The following MYL1 variants were observed in gnomAD, a reference collection of about 807,000 sequenced individuals.
The protein encoded by MYL1 is myosin light chain 1/3, skeletal muscle isoform.
A neutral mutation model predicts 21.8 loss-of-function variants in MYL1; 16 were observed. That is an observed-to-expected ratio of 0.74 (90% CI 0.50 to 1.12). The LOEUF is 1.12. MYL1 is among the 50% of genes most tolerant of loss of function. The pLI is 0.00. For synonymous variants in MYL1, 99 were observed against 85.2 expected (o/e 1.16, Z -0.89); for missense variants, 246 against 241.0 (o/e 1.02, Z -0.14).
intron 1 of MYL1, among the ~76,000 whole-genome samples, chr2:210,304,877 C>A (rs1690316992): frequency 6.6e-6 from 1 of 152,108 alleles, no homozygotes; most frequent in African/African-American, 2.4e-5. Flanking sequence ...GGGGATTGGC[C>A]AGCAATGGGT....
chr2:210,297,031 A>ATC lies in MYL1; in HGVS notation c.304+1388_304+1389insGA, dbSNP rs1405092485. 3.8e-4 allele frequency among the ~76,000 whole-genome samples: 57 copies of ATC among 148,618 alleles called. No individual in the cohort carries two copies. The South Asian group carries it at 7.3e-3, about 19-fold the overall frequency. On this transcript the variant is annotated intron_variant, in intron 3 of 6. Coordinates refer to ENST00000352451, the MANE Select transcript of MYL1 (RefSeq NM_079420.3). The stretch of plus-strand genomic sequence containing the variant: ...TGTGTGTGTGTACATATATATATAT[A>ATC]TATATACATATATATAAAATATTTT...
intron 1 of MYL1, chr2:210,303,591 T>A: frequency 6.2e-7 from 1 of 1,607,372 alleles, no homozygotes; most frequent in Non-Finnish European, 8.5e-7. Flanking sequence ...GAAGAGTGAG[T>A]TGAGGGCTGC....
At chr2:210,291,164 C>T in intron 5 of MYL1, 90 bp from the exon 6 acceptor site, 2 of 963,598 alleles carry the variant, frequency 2.1e-6, no homozygotes, top group Non-Finnish European at 3.3e-6. Context: ...TAGCTCAATC[C>T]TATTTTTAGC....
chr2:210,308,380 C>G (rs1255808547), intron 1 of MYL1, among the ~76,000 whole-genome samples: 1 of 116,894 alleles, frequency 8.6e-6, no homozygotes, highest in Non-Finnish European at 1.7e-5. Context: ...TTGACTTCAA[C>G]ATAGGATATA....
Position 210,293,740 on chromosome 2 carries a change from C to T in MYL1, c.539G>A (p.Gly180Asp), listed in dbSNP as rs766868066. The change falls in exon 5 of 7, where the codon GGC becomes GAC. Residue 180 changes from glycine to aspartate, a missense_variant. By Grantham distance (94) the Gly-to-Asp change is moderately conservative. Transcript: ENST00000352451. ...GATTCTACCTTCGTAGTTGATGCAG[C>T]CATTGGAGTCTTCTTGACCTGCCAT... Reference protein sequence around the residue: ...ALMAGQEDSNGCINYEAFVKH... With the variant: ...ALMAGQEDSNDCINYEAFVKH... 40 of 1,613,870 alleles carry T rather than the reference C, an allele frequency of 2.5e-5. No individual in the cohort carries two copies. Among genetic ancestry groups the T allele is most frequent in the Non-Finnish European group, 3.3e-5 (39 of 1,179,906 alleles).
At chr2:210,291,730 T>A (rs1350351949) in intron 5 of MYL1, among the ~76,000 whole-genome samples, 1 of 152,166 alleles carries the variant, frequency 6.6e-6, no homozygotes, top group African/African-American at 2.4e-5. Context: ...TTGATAGACA[T>A]TCGATTGTTT....
rs1350971349 is a variant in MYL1, at chr2:210,298,523, A to G, written c.201T>C (p.Asp67=). 3.7e-6 allele frequency: 6 copies of G among 1,613,994 alleles called. No individual in the cohort carries two copies. Among genetic ancestry groups the G allele is most frequent in the Non-Finnish European group, 1.7e-6 (2 of 1,179,998 alleles). The change falls in exon 3 of 7, where the codon GAT becomes GAC. Residue 67 remains aspartate (D), a synonymous_variant. Transcript: ENST00000352451. The part of the protein sequence containing the change: ...EAFLLFDRTG[D]SKITLSQVGD... ...CGACCTGGCTTAAGGTGATCTTGGA[A>G]TCACCTGTTCTGTCAAACAGGAGAA... is the stretch of plus-strand genomic sequence containing the variant.
At position 210,315,157 on chromosome 2, in the gene MYL1, A is replaced by G; in HGVS notation, c.-115T>C. ...GTTGATCCACAGCCCAGTGTCTTGA[A>G]GATGGACCCAGAGTGTTAAACGGCA... On this transcript the variant is annotated 5_prime_UTR_variant, in exon 1 of 7. Coordinates refer to ENST00000352451, the MANE Select transcript of MYL1 (RefSeq NM_079420.3). 8.0e-7 allele frequency: 1 copy of G among 1,251,292 alleles called. No individual in the cohort carries two copies. 77.5% of individuals were successfully genotyped at this position (1,251,292 alleles called of 1,614,324 possible).
At chr2:210,308,399 AATATATAT>A (rs71043988) in intron 1 of MYL1, among the ~76,000 whole-genome samples, 1,086 of 84,720 alleles carry the variant, frequency 0.013, 32 homozygotes, top group East Asian at 0.06. Context: ...TACTTAGGCT[AATATATAT>A]ATATATATAT....
chr2:210,306,789 C>T (rs1396970667), intron 1 of MYL1, among the ~76,000 whole-genome samples: 1 of 151,472 alleles, frequency 6.6e-6, no homozygotes, highest in East Asian at 1.9e-4. Flanking sequence ...GTGATCTCGG[C>T]TCACTGCAAC....
chr2:210,292,787 T>A (rs1690099969), intron 5 of MYL1, among the ~76,000 whole-genome samples: 1 of 152,216 alleles, frequency 6.6e-6, no homozygotes. Flanking sequence ...ATTTGAAATT[T>A]GTCTTGGCAT....
Position 210,298,493 on chromosome 2 carries a change from A to G in MYL1, c.231T>C (p.Asp77=), listed in dbSNP as rs143274393. The change falls in exon 3 of 7, where the codon GAT becomes GAC. Residue 77 remains aspartate (D), a synonymous_variant. Coordinates refer to ENST00000352451, the MANE Select transcript of MYL1 (RefSeq NM_079420.3). ...DSKITLSQVG[D]VLRALGTNPT... ...GATTTGTGCCCAGAGCTCGAAGGAC[A>G]TCACCGACCTGGCTTAAGGTGATCT... is the stretch of plus-strand genomic sequence containing the variant. 3.6e-5 allele frequency: 58 copies of G among 1,613,974 alleles called. No homozygotes were observed. The African/African-American group carries it at 6.3e-4, about 17-fold the overall frequency.
intron 1 of MYL1, among the ~76,000 whole-genome samples, chr2:210,313,914 A>T (rs1642415313): frequency 6.6e-6 from 1 of 152,100 alleles, no homozygotes; most frequent in African/African-American, 2.4e-5. Flanking sequence ...GGCTTAAGTG[A>T]AAAGTTCACC....
chr2:210,298,721 C>G (rs539847418), intron 2 of MYL1, among the ~76,000 whole-genome samples, 158 bp from the exon 3 acceptor site: 6 of 152,290 alleles, frequency 3.9e-5, no homozygotes, highest in African/African-American at 1.4e-4. Flanking sequence ...CTCCAAATAT[C>G]ATTGGCAAAA....
chr2:210,311,475 C>T (rs1431310347), intron 1 of MYL1, among the ~76,000 whole-genome samples: 23 of 152,034 alleles, frequency 1.5e-4, no homozygotes, highest in Admixed American at 9.8e-4. Context: ...ACCTTTACCA[C>T]GTTTTATAAT....
chr2:210,303,219 G>C (rs1342168650), intron 1 of MYL1, among the ~76,000 whole-genome samples: 1 of 152,112 alleles, frequency 6.6e-6, no homozygotes, highest in South Asian at 2.1e-4. Flanking sequence ...TCACTGGATT[G>C]TATTTTAATG....
chr2:210,305,823 G>C (rs548323449), intron 1 of MYL1, among the ~76,000 whole-genome samples: 1 of 152,188 alleles, frequency 6.6e-6, no homozygotes, highest in South Asian at 2.1e-4. Flanking sequence ...CACTTTGGGA[G>C]GCCGAGGCGG....
chr2:210,304,807 T>C (rs2125742839), intron 1 of MYL1, among the ~76,000 whole-genome samples: 1 of 152,298 alleles, frequency 6.6e-6, no homozygotes, highest in South Asian at 2.1e-4. Flanking sequence ...ATTGTTGAGA[T>C]TACAGGCATG....
chr2:210,291,161 A>G (rs955182818), intron 5 of MYL1, 87 bp from the exon 6 acceptor site: 2 of 1,049,354 alleles, frequency 1.9e-6, no homozygotes, highest in Non-Finnish European at 1.5e-6. Context: ...AGTTAGCTCA[A>G]TCCTATTTTT....
Sources: allele counts gnomAD v4.1 joint callset (sites outside exome capture counted in the v4.1 genomes callset), GRCh38; gene constraint gnomAD v4.1.1; transcripts MANE v1.5; gene names NCBI Gene and HGNC (gene_info 2026-07-23, HGNC 2026-07-21).